Variants in NFATC2 observed in about 807,000 individuals in gnomAD.
The protein encoded by NFATC2 is nuclear factor of activated T-cells, cytoplasmic 2.
A neutral mutation model predicts 87.3 loss-of-function variants in NFATC2; 22 were observed. The ratio of observed to expected loss-of-function variants is 0.25; its 90% CI spans 0.18 to 0.36. The LOEUF (loss-of-function observed/expected upper bound fraction) is 0.36. NFATC2 is among the 10% of genes least tolerant of loss of function. NFATC2 has a pLI of 1.00. For synonymous variants in NFATC2, 565 were observed against 542.2 expected, an observed-to-expected ratio of 1.04 and a Z score of -0.58; for missense variants, 1,149 against 1,259.1, an observed-to-expected ratio of 0.91 and a Z score of 1.32.
At chr20:51,458,435 G>T (rs1435598508) in intron 5 of NFATC2, among the ~76,000 whole-genome samples, 1 of 151,928 alleles carries the variant, frequency 6.6e-6, no homozygotes, top group East Asian at 1.9e-4. Context: ...GTTGAGAACA[G>T]CTGTTCTAGA....
chr20:51,549,259 T>G (rs927808688), intron 1 of NFATC2, among the ~76,000 whole-genome samples: 2 of 119,412 alleles, frequency 1.7e-5, no homozygotes, highest in Non-Finnish European at 3.3e-5. Context: ...GGTTTTTTGG[T>G]TTTTTTGTTT....
chr20:51,452,496 T>C (rs1022373632), intron 6 of NFATC2, among the ~76,000 whole-genome samples: 3 of 152,236 alleles, frequency 2.0e-5, no homozygotes, highest in Non-Finnish European at 2.9e-5. Context: ...AGCCAGGATC[T>C]GGTTTCTTAG....
At chr20:51,449,067 G>A (rs1985447483) in intron 6 of NFATC2, among the ~76,000 whole-genome samples, 1 of 152,118 alleles carries the variant, frequency 6.6e-6, no homozygotes, top group African/African-American at 2.4e-5. Context: ...CATTGGAGCT[G>A]GTGGTGCCGA....
intron 6 of NFATC2, among the ~76,000 whole-genome samples, chr20:51,453,474 C>G (rs1301317961): frequency 6.6e-6 from 1 of 152,180 alleles, no homozygotes; most frequent in African/African-American, 2.4e-5. Flanking sequence ...CTACTGAAAT[C>G]ATGTCTGTTA....
rs1382501253 is a variant in NFATC2 at position 51,491,863 on chromosome 20, CACACACATACACAT to C, written c.1333-16217_1333-16204del. 3.5e-3 allele frequency among the ~76,000 whole-genome samples: 238 copies of C among 68,468 alleles called. 5 individuals are homozygous for C. The highest frequency in any genetic ancestry group is 0.021 in the African/African-American group (214 of 10,080). The allele number at this position is 68,468 out of a possible 152,430, so 44.9% of individuals were successfully genotyped here. A position where few individuals can be genotyped will look rare whatever the true frequency, so the allele number is the denominator to read the frequency against. Reference sequence around the variant, plus strand: ...TTGAGAACAGCCCCACCCCCACCAACACACACATACACATACACACACACACACACACACACACA... The same window carrying C: ...TTGAGAACAGCCCCACCCCCACCAACACACACACACACACACACACACACA... On this transcript the variant is annotated intron_variant, in intron 3 of 10. Coordinates refer to ENST00000371564, the MANE Select transcript of NFATC2 (RefSeq NM_012340.5).
intron 9 of NFATC2, among the ~76,000 whole-genome samples, chr20:51,423,077 C>T (rs910535036): frequency 6.6e-6 from 1 of 151,962 alleles, no homozygotes; most frequent in Non-Finnish European, 1.5e-5. Context: ...CACTTGAGCC[C>T]AGGAGTTCGA....
chr20:51,536,597 CT>C (rs1194494782), intron 1 of NFATC2, among the ~76,000 whole-genome samples: 7 of 152,332 alleles, frequency 4.6e-5, no homozygotes, highest in African/African-American at 1.7e-4. Context: ...GGAGCCTCTA[CT>C]CCTGATCAAA....
At chr20:51,557,171 G>T (rs139817662) in intron 1 of NFATC2, among the ~76,000 whole-genome samples, 8 of 152,324 alleles carry the variant, frequency 5.3e-5, no homozygotes, top group African/African-American at 1.9e-4. Flanking sequence ...TCTATACCAA[G>T]CTCTCAGGGT....
At chr20:51,474,727 T>C (rs1156694335) in intron 4 of NFATC2, among the ~76,000 whole-genome samples, 1 of 152,186 alleles carries the variant, frequency 6.6e-6, no homozygotes. Flanking sequence ...TAAGTTTGAA[T>C]TTATTTTCCC....
At chr20:51,398,616 A>G in intron 10 of NFATC2, 27 bp downstream of exon 10, 1 of 1,525,584 alleles carries the variant, frequency 6.6e-7, no homozygotes, top group Non-Finnish European at 8.9e-7. Flanking sequence ...CTGGAAAACA[A>G]AAGGAGAAGC....
At chr20:51,557,186 T>G (rs1257947884) in intron 1 of NFATC2, among the ~76,000 whole-genome samples, 1 of 152,268 alleles carries the variant, frequency 6.6e-6, no homozygotes, top group African/African-American at 2.4e-5. Flanking sequence ...CAGGGTTTTG[T>G]GGGTGTGTGT....
intron 3 of NFATC2, among the ~76,000 whole-genome samples, chr20:51,510,213 A>G (rs924382917): frequency 6.6e-6 from 1 of 152,258 alleles, no homozygotes; most frequent in African/African-American, 2.4e-5. Context: ...TAAGGAATAT[A>G]CCAAAGTATC....
At chr20:51,498,938 G>T (rs2146616254) in intron 3 of NFATC2, among the ~76,000 whole-genome samples, 1 of 152,324 alleles carries the variant, frequency 6.6e-6, no homozygotes, top group South Asian at 2.1e-4. Flanking sequence ...TAGCTGGGAG[G>T]AGTGAAAGGC....
chr20:51,511,389 C>A (rs2076269252), intron 3 of NFATC2, among the ~76,000 whole-genome samples: 2 of 152,194 alleles, frequency 1.3e-5, no homozygotes, highest in African/African-American at 4.8e-5. Context: ...CTTGCTGGGG[C>A]CTCTGGTGAT....
intron 3 of NFATC2, among the ~76,000 whole-genome samples, chr20:51,505,805 G>C (rs1191729471): frequency 6.6e-6 from 1 of 152,156 alleles, no homozygotes; most frequent in Non-Finnish European, 1.5e-5. Context: ...GAAATGGTGA[G>C]AGGGAACGCC....
chr20:51,556,800 A>G (rs1226782875), intron 1 of NFATC2, among the ~76,000 whole-genome samples: 1 of 152,170 alleles, frequency 6.6e-6, no homozygotes, highest in Non-Finnish European at 1.5e-5. Flanking sequence ...CAGGGGAAAG[A>G]AACACCCAGC....
At chr20:51,495,499 C>T (rs2146602561) in intron 3 of NFATC2, among the ~76,000 whole-genome samples, 1 of 152,298 alleles carries the variant, frequency 6.6e-6, no homozygotes, top group South Asian at 2.1e-4. Flanking sequence ...CGTAAATGCC[C>T]AAGAGAGAAC....
At chr20:51,435,607 T>C (rs1983442478) in intron 7 of NFATC2, 99 bp downstream of exon 7, 2 of 1,321,424 alleles carry the variant, frequency 1.5e-6, no homozygotes, top group East Asian at 2.5e-5. Flanking sequence ...TCCAGAGCTC[T>C]GGGGGACACT....
chr20:51,443,267 C>T (rs1367644148), intron 6 of NFATC2, among the ~76,000 whole-genome samples: 1 of 152,224 alleles, frequency 6.6e-6, no homozygotes, highest in East Asian at 1.9e-4. Flanking sequence ...TCCACCCAGC[C>T]TCAGGCTGTG....
Sources: allele counts gnomAD v4.1 joint callset (sites outside exome capture counted in the v4.1 genomes callset), GRCh38; gene constraint gnomAD v4.1.1; transcripts MANE v1.5; gene names NCBI Gene and HGNC (gene_info 2026-07-23, HGNC 2026-07-21).